FNDC3B: variants seen among roughly 807,000 people sequenced by gnomAD.
FNDC3B encodes fibronectin type III domain-containing protein 3B.
Under a neutral mutation model 151.5 loss-of-function variants are expected in FNDC3B, and 12 were observed. The ratio of observed to expected loss-of-function variants is 0.08; its 90% CI spans 0.05 to 0.13. The LOEUF (loss-of-function observed/expected upper bound fraction) is 0.13. Ranked by LOEUF, FNDC3B falls within the 10% of genes least tolerant of loss-of-function variation. FNDC3B has a pLI of 1.00. For missense variants in FNDC3B, 1,214 were observed against 1,505.3 expected (o/e 0.81, Z 3.20); for synonymous variants, 528 against 549.0 (o/e 0.96, Z 0.54).
At chr3:172,302,345 C>T (rs1730953900) in intron 9 of FNDC3B, 1 of 152,220 alleles carries the variant, frequency 6.6e-6, no homozygotes, top group African/African-American at 2.4e-5. Context: ...ACAGCTCTTT[C>T]CACCAACTCA....
chr3:172,287,675 C>A (rs959747377), intron 7 of FNDC3B, among the ~76,000 whole-genome samples: 2 of 152,194 alleles, frequency 1.3e-5, no homozygotes, highest in South Asian at 4.1e-4. Context: ...TTTATGCACA[C>A]AGTGCTGTTC....
chr3:172,192,169 G>T (rs1212583722), intron 3 of FNDC3B, among the ~76,000 whole-genome samples: 1 of 87,364 alleles, frequency 1.1e-5, no homozygotes, highest in African/African-American at 3.9e-5. Flanking sequence ...TTTTGTGTGT[G>T]TTTTTTGTTT....
chr3:172,128,973 G>A (rs1404196810), intron 2 of FNDC3B, among the ~76,000 whole-genome samples: 3 of 152,100 alleles, frequency 2.0e-5, no homozygotes, highest in Admixed American at 2.0e-4. Context: ...TCTCCCAGGA[G>A]GAGCTTTTTT....
chr3:172,341,080 G>A, intron 16 of FNDC3B, 33 bp from the exon 17 acceptor site: 2 of 1,393,520 alleles, frequency 1.4e-6, no homozygotes, highest in African/African-American at 1.4e-5. Context: ...TTTTACAAGA[G>A]GCATAAAGTC....
At chr3:172,350,211 A>G (rs1733794774) in intron 21 of FNDC3B, among the ~76,000 whole-genome samples, 1 of 152,232 alleles carries the variant, frequency 6.6e-6, no homozygotes, top group South Asian at 2.1e-4. Context: ...CATTTTACAT[A>G]TTAACCGATT....
intron 3 of FNDC3B, among the ~76,000 whole-genome samples, chr3:172,162,538 T>A (rs1722830825): frequency 6.6e-6 from 1 of 152,212 alleles, no homozygotes; most frequent in Admixed American, 6.5e-5. Flanking sequence ...GGTAACTGTA[T>A]TTAACCATTT....
intron 23 of FNDC3B, among the ~76,000 whole-genome samples, chr3:172,371,593 A>C (rs561229890): frequency 6.6e-6 from 1 of 152,222 alleles, no homozygotes; most frequent in Non-Finnish European, 1.5e-5. Flanking sequence ...CCTTCTAACC[A>C]GTTTATTTCC....
chr3:172,216,133 C>T (rs1026286305), intron 3 of FNDC3B, among the ~76,000 whole-genome samples: 3 of 152,110 alleles, frequency 2.0e-5, no homozygotes, highest in Non-Finnish European at 2.9e-5. Flanking sequence ...ATGAAGCACT[C>T]GATGCTCTGG....
intron 22 of FNDC3B, among the ~76,000 whole-genome samples, chr3:172,359,442 A>G (rs1734264255): frequency 6.6e-6 from 1 of 152,170 alleles, no homozygotes; most frequent in Admixed American, 6.5e-5. Flanking sequence ...GGAATCTAGG[A>G]ATGTTTGTAC....
At chr3:172,090,286 T>G (rs1306131943) in intron 1 of FNDC3B, among the ~76,000 whole-genome samples, 4 of 152,170 alleles carry the variant, frequency 2.6e-5, no homozygotes, top group Non-Finnish European at 5.9e-5. Context: ...TCCTAGCTCC[T>G]TAATCCCATG....
At chr3:172,072,698 T>C (rs1430028345) in intron 1 of FNDC3B, among the ~76,000 whole-genome samples, 1 of 152,194 alleles carries the variant, frequency 6.6e-6, no homozygotes, top group African/African-American at 2.4e-5. Context: ...GATGATAAGA[T>C]AGTAAAATGG....
intron 3 of FNDC3B, among the ~76,000 whole-genome samples, chr3:172,145,976 G>A (rs368010005): frequency 1.8e-4 from 28 of 152,066 alleles, no homozygotes; most frequent in Admixed American, 1.2e-3. Context: ...ACCACGCCCC[G>A]TTAGTTTTGT....
At chr3:172,307,135 G>A in intron 9 of FNDC3B, 1 of 497,296 alleles carries the variant, frequency 2.0e-6, no homozygotes. Flanking sequence ...TGCCTATCTT[G>A]AAATGGAGCT....
In FNDC3B at chr3:172,266,739, G is replaced by A. The variant is rs925168240; in HGVS notation, c.790+15198G>A. ...TGCTCTTTTCTTCCCCTCTGTTTGT[G>A]TTAAGTCTTCCTCTGTCTCTGCCTT... On this transcript the variant is annotated intron_variant, in intron 6 of 25. Coordinates refer to ENST00000415807, the MANE Select transcript of FNDC3B (RefSeq NM_022763.4). Among the ~76,000 whole-genome samples the A allele has an allele frequency of 3.3e-5, 5 of 152,282 alleles. No individual in the cohort carries two copies. The South Asian group carries it at 1.0e-3, about 32-fold the overall frequency.
rs1042682850 is a variant in FNDC3B at position 172,097,579 on chromosome 3, AT to A, written c.-28-14872del. ...TGCTCATTGTAGAATATTTTAAAAA[AT>A]ATAGCAAGTTCAAAAGAAAAATACA... is the stretch of plus-strand genomic sequence containing the variant. On this transcript the variant is annotated intron_variant, in intron 1 of 25. Coordinates refer to ENST00000415807, the MANE Select transcript of FNDC3B (RefSeq NM_022763.4). 6.8e-4 allele frequency among the ~76,000 whole-genome samples: 104 copies of A among 152,364 alleles called. 1 individual carries two copies. Among genetic ancestry groups the A allele is most frequent in the African/African-American group, 2.3e-3 (95 of 41,590 alleles).
chr3:172,042,419 TAGA>T (rs1195455572), intron 1 of FNDC3B, among the ~76,000 whole-genome samples: 1 of 152,258 alleles, frequency 6.6e-6, no homozygotes, highest in South Asian at 2.1e-4. Flanking sequence ...AGGAGCTAAG[TAGA>T]AGAACTTACC....
intron 1 of FNDC3B, among the ~76,000 whole-genome samples, chr3:172,102,532 A>C (rs1490782317): frequency 6.6e-6 from 1 of 152,236 alleles, no homozygotes; most frequent in Non-Finnish European, 1.5e-5. Flanking sequence ...TTAAAGGGCT[A>C]TCTGGAAGTC....
At chr3:172,166,202 T>A (rs1238499441) in intron 3 of FNDC3B, among the ~76,000 whole-genome samples, 1 of 152,208 alleles carries the variant, frequency 6.6e-6, no homozygotes, top group Non-Finnish European at 1.5e-5. Context: ...AAGGCCACCA[T>A]CTTATAGCTG....
chr3:172,392,915 T>TC (rs1736089941), intron 25 of FNDC3B, among the ~76,000 whole-genome samples: 1 of 143,298 alleles, frequency 7.0e-6, no homozygotes. Flanking sequence ...CAAGCAGTTC[T>TC]TCTGCCTGTA....
Sources: allele counts gnomAD v4.1 joint callset (sites outside exome capture counted in the v4.1 genomes callset), GRCh38; gene constraint gnomAD v4.1.1; transcripts MANE v1.5; gene names NCBI Gene and HGNC (gene_info 2026-07-23, HGNC 2026-07-21).